The following DPYS variants were observed in gnomAD, a reference collection of about 807,000 sequenced individuals.
DPYS encodes dihydropyrimidine amidohydrolase.
A neutral mutation model predicts 50.3 loss-of-function variants in DPYS; 39 were observed. The ratio of observed to expected loss-of-function variants is 0.78; its 90% confidence interval spans 0.60 to 1.01. The LOEUF (loss-of-function observed/expected upper bound fraction) is 1.01, where lower values mean the gene tolerates loss of function less well. Ranked by LOEUF, DPYS falls within the 50% of genes least tolerant of loss-of-function variation. The pLI is 0.00. For synonymous variants in DPYS, 245 were observed against 250.7 expected (o/e 0.98, Z 0.22); for missense variants, 659 against 680.9 (o/e 0.97, Z 0.36).
At chr8:104,387,796 C>T (rs1480390618) in intron 8 of DPYS, among the ~76,000 whole-genome samples, 1 of 152,174 alleles carries the variant, frequency 6.6e-6, no homozygotes, top group African/African-American at 2.4e-5. Context: ...AAAAAGAGTA[C>T]TTAGAAAGTG....
chr8:104,408,972 C>G (rs1352960249), intron 7 of DPYS, among the ~76,000 whole-genome samples: 2 of 151,832 alleles, frequency 1.3e-5, no homozygotes, highest in African/African-American at 4.8e-5. Context: ...GGCCACCACT[C>G]TCAGCTAATT....
chr8:104,462,440 C>G lies in DPYS; in HGVS notation c.264+4217G>C, dbSNP rs539485387. ...AATCACACACTGCCTTGTAAGTAAT[C>G]CCCACAATGGCATTTTACCAAAAAG... On this transcript the variant is annotated intron_variant, in intron 1 of 9. Transcript: ENST00000351513. 3.9e-5 allele frequency among the ~76,000 whole-genome samples: 6 copies of G among 152,248 alleles called. No homozygotes were observed. The East Asian group carries it at 9.6e-4, about 24-fold the overall frequency.
chr8:104,427,976 C>A lies in DPYS; in HGVS notation c.1092+4G>T. The A allele has an allele frequency of 6.2e-7, 1 of 1,614,006 alleles. No individual in the cohort carries two copies. On this transcript the variant is annotated splice_donor_region_variant and intron_variant, in intron 6 of 9. Coordinates refer to ENST00000351513, the MANE Select transcript of DPYS (RefSeq NM_001385.3). ...AAAGCAAGGCTGGAACCTGTGAAAC[C>A]CACCACGCCTTTTTCCCATATTACG... is the stretch of plus-strand genomic sequence containing the variant.
chr8:104,392,727 C>T, intron 8 of DPYS, 57 bp downstream of exon 8: 1 of 1,602,398 alleles, frequency 6.2e-7, no homozygotes, highest in Non-Finnish European at 8.5e-7. Context: ...ACCAGCCAGA[C>T]ATCCAGAAGC....
chr8:104,436,961 G>T (rs1044813772), intron 4 of DPYS, among the ~76,000 whole-genome samples: 3 of 151,658 alleles, frequency 2.0e-5, no homozygotes, highest in African/African-American at 4.8e-5. Flanking sequence ...GAACAAGAAC[G>T]TTTTCTTGGA....
intron 1 of DPYS, among the ~76,000 whole-genome samples, chr8:104,454,823 C>T (rs1469070659): frequency 6.6e-6 from 1 of 151,996 alleles, no homozygotes; most frequent in Non-Finnish European, 1.5e-5. Context: ...TTAGAGACGG[C>T]TTGGATTTCA....
chr8:104,464,182 T>C (rs954553879), intron 1 of DPYS, among the ~76,000 whole-genome samples: 2 of 152,224 alleles, frequency 1.3e-5, no homozygotes, highest in Admixed American at 6.5e-5. Flanking sequence ...CAGAAATGCT[T>C]AGAGGATCAG....
chr8:104,386,884 T>A (rs1811229045), intron 8 of DPYS, among the ~76,000 whole-genome samples: 1 of 152,112 alleles, frequency 6.6e-6, no homozygotes, highest in Non-Finnish European at 1.5e-5. Flanking sequence ...CGCTTCAGCA[T>A]CCCAAAGTGC....
intron 3 of DPYS, 54 bp downstream of exon 3, chr8:104,447,270 C>T: frequency 1.2e-6 from 2 of 1,603,990 alleles, no homozygotes; most frequent in Non-Finnish European, 8.5e-7. Flanking sequence ...TCATCTTCAC[C>T]TTATGTTATG....
chr8:104,380,870 C>A (rs988232451), intron 9 of DPYS: 1 of 246,920 alleles, frequency 4.0e-6, no homozygotes, highest in African/African-American at 2.2e-5. Flanking sequence ...TGAAATTATA[C>A]TCCCTGTCTT....
chr8:104,429,741 T>G, intron 4 of DPYS, 40 bp from the exon 5 acceptor site: 1 of 1,612,524 alleles, frequency 6.2e-7, no homozygotes, highest in Non-Finnish European at 8.5e-7. Flanking sequence ...TTTAATTTTA[T>G]TCTTAAGAGG....
intron 7 of DPYS, among the ~76,000 whole-genome samples, chr8:104,400,939 A>C (rs1469704115): frequency 6.6e-6 from 1 of 152,230 alleles, no homozygotes; most frequent in Non-Finnish European, 1.5e-5. Context: ...TACAGATGAG[A>C]AAATCACTGA....
rs560785384 is a variant in DPYS, at chr8:104,379,994, G to T, written c.*15-151C>A. ...TAATAGCATGTTATAGCATTGAATC[G>T]CATTCCTTTCTCTTGCTAATCTTTC... On this transcript the variant is annotated intron_variant, in intron 9 of 9. Transcript: ENST00000351513. Among the ~76,000 whole-genome samples the T allele has an allele frequency of 2.6e-5, 4 of 152,068 alleles. No individual in the cohort carries two copies. The South Asian group carries it at 6.2e-4, about 24-fold the overall frequency.
chr8:104,428,809 T>G (rs1319506486), intron 5 of DPYS, among the ~76,000 whole-genome samples: 1 of 149,134 alleles, frequency 6.7e-6, no homozygotes, highest in African/African-American at 2.5e-5. Context: ...GGGATGTCCA[T>G]GAAGGATAGA....
rs553922065 is a variant in DPYS, at chr8:104,412,433, C to T, written c.1235+11814G>A. ...TAGGAAACAGTTATATGTCTATGTGCGTGTGTCTTGGGTGGGTGCCAATAT... is the reference window on the plus strand; with the variant it reads ...TAGGAAACAGTTATATGTCTATGTGTGTGTGTCTTGGGTGGGTGCCAATAT... On this transcript the variant is annotated intron_variant, in intron 7 of 9. Coordinates refer to ENST00000351513, the MANE Select transcript of DPYS (RefSeq NM_001385.3). Among the ~76,000 whole-genome samples the T allele has an allele frequency of 3.3e-5, 5 of 152,100 alleles. No individual in the cohort carries two copies. In the South Asian group the frequency reaches 6.3e-4, roughly 19 times the overall value.
At chr8:104,445,280 A>G (rs910362825) in intron 3 of DPYS, among the ~76,000 whole-genome samples, 2 of 152,214 alleles carry the variant, frequency 1.3e-5, no homozygotes, top group Non-Finnish European at 2.9e-5. Context: ...TGCAAAAGAA[A>G]GGAAAATCAG....
intron 4 of DPYS, among the ~76,000 whole-genome samples, chr8:104,441,179 T>C (rs1813342150): frequency 6.6e-6 from 1 of 152,172 alleles, no homozygotes; most frequent in Admixed American, 6.5e-5. Context: ...TTTTCACAAG[T>C]ATTATACTGT....
At position 104,380,048 on chromosome 8, in the gene DPYS, T is replaced by C. The variant is rs115586234; in HGVS notation, c.*15-205A>G. On this transcript the variant is annotated intron_variant, in intron 9 of 9. Transcript: ENST00000351513. ...GAATTTTTAACAAAATCATCCTAGATTAGAAGAATAATTCTGGTCGTCTGA... is the reference window on the plus strand; with the variant it reads ...GAATTTTTAACAAAATCATCCTAGACTAGAAGAATAATTCTGGTCGTCTGA... Among the ~76,000 whole-genome samples the C allele has an allele frequency of 7.3e-3, 1,108 of 152,302 alleles. 20 individuals carry two copies. Among genetic ancestry groups the C allele is most frequent in the African/African-American group, 0.025 (1,045 of 41,572 alleles).
At chr8:104,401,548 T>C (rs1293029406) in intron 7 of DPYS, among the ~76,000 whole-genome samples, 1 of 152,188 alleles carries the variant, frequency 6.6e-6, no homozygotes, top group Non-Finnish European at 1.5e-5. Context: ...GAAAACATTC[T>C]TAATCCACCA....
Sources: allele counts gnomAD v4.1 joint callset (sites outside exome capture counted in the v4.1 genomes callset), GRCh38; gene constraint gnomAD v4.1.1; transcripts MANE v1.5; gene names NCBI Gene and HGNC (gene_info 2026-07-23, HGNC 2026-07-21).